SPATA13: variants seen among roughly 807,000 people sequenced by gnomAD.
The protein encoded by SPATA13 is spermatogenesis-associated protein 13.
A neutral mutation model predicts 104.0 loss-of-function variants in SPATA13; 50 were observed. That is an observed-to-expected ratio of 0.48 (90% CI 0.38 to 0.61). The LOEUF is 0.61. Ranked by LOEUF, SPATA13 falls within the 20% of genes least tolerant of loss-of-function variation. The pLI is 0.00. For missense variants in SPATA13, 1,524 were observed against 1,690.6 expected (o/e 0.90, Z 1.73); for synonymous variants, 606 against 667.5 (o/e 0.91, Z 1.42).
intron 1 of SPATA13, among the ~76,000 whole-genome samples, chr13:24,178,215 A>G: frequency 6.6e-6 from 1 of 152,200 alleles, no homozygotes; most frequent in East Asian, 1.9e-4. Context: ...CAGAAGGCGC[A>G]AACGTTCCAA....
intron 1 of SPATA13, among the ~76,000 whole-genome samples, chr13:24,192,934 C>G (rs912992323): frequency 6.6e-6 from 1 of 152,178 alleles, no homozygotes; most frequent in Non-Finnish European, 1.5e-5. Context: ...GAAAAGGATT[C>G]TTTCCTCCCC....
intron 3 of SPATA13, among the ~76,000 whole-genome samples, chr13:24,039,128 G>C (rs566437637): frequency 1.3e-5 from 2 of 152,364 alleles, no homozygotes; most frequent in African/African-American, 4.8e-5. Context: ...TCTATAATTA[G>C]TGAACCTTTC....
At chr13:24,057,022 TCTC>T (rs1566087995) in intron 3 of SPATA13, among the ~76,000 whole-genome samples, 28 of 149,770 alleles carry the variant, frequency 1.9e-4, no homozygotes, top group Admixed American at 6.6e-5. Context: ...TCTCTCTCTC[TCTC>T]TCTCTCTTTC....
intron 3 of SPATA13, among the ~76,000 whole-genome samples, chr13:24,135,396 C>T (rs1385484473): frequency 6.6e-6 from 1 of 152,118 alleles, no homozygotes; most frequent in Non-Finnish European, 1.5e-5. Context: ...CTCACTTTCA[C>T]TCTTTAAGAG....
In SPATA13 at chr13:24,205,305, G is replaced by A. The variant is rs1385812476; in HGVS notation, c.-111-17514G>A. On this transcript the variant is annotated intron_variant, in intron 1 of 12. Coordinates refer to ENST00000382108, the MANE Select transcript of SPATA13 (RefSeq NM_001166271.3). The surrounding 1 kb of genome is among the most constrained non-coding windows in gnomAD (Gnocchi z 4.1). ...ATTCCTGTATACCAACAGTGGGCAAGCAGAAAGCCAAGCCATGAAAGAATT... is the reference window on the plus strand; with the variant it reads ...ATTCCTGTATACCAACAGTGGGCAAACAGAAAGCCAAGCCATGAAAGAATT... 6.6e-6 allele frequency among the ~76,000 whole-genome samples: 1 copy of A among 152,144 alleles called. No homozygotes were observed. Among genetic ancestry groups the A allele is most frequent in the Non-Finnish European group, 1.5e-5 (1 of 68,024 alleles).
At chr13:24,301,349 C>G (rs570098261) in intron 12 of SPATA13, among the ~76,000 whole-genome samples, 1 of 152,288 alleles carries the variant, frequency 6.6e-6, no homozygotes, top group Admixed American at 6.5e-5. Context: ...TTCCCCAAAC[C>G]ACACTTAACA....
chr13:24,286,331 A>T lies in SPATA13; in HGVS notation c.2419A>T (p.Lys807Ter). 1 of 1,613,498 alleles carries T rather than the reference A, an allele frequency of 6.2e-7. No individual in the cohort carries two copies. The stretch of plus-strand genomic sequence containing the variant: ...CATCCAGGTTCTGGAAGCCTCCAAC[A>T]AGGACTGGTGGTGGGGCCGCAGTGA... ...DVIQVLEASN[K>*]DWWWGRSEDK... Residue 807 changes from lysine to a stop codon, truncating the protein, a stop_gained, in exon 6 of 13, where the codon AAG becomes TAG. Coordinates refer to ENST00000382108, the MANE Select transcript of SPATA13 (RefSeq NM_001166271.3). LOFTEE classifies it high-confidence loss of function. The surrounding 1 kb of genome is among the most constrained non-coding windows in gnomAD (Gnocchi z 4.9).
chr13:24,090,270 G>C (rs1179313832), intron 3 of SPATA13, among the ~76,000 whole-genome samples: 1 of 152,116 alleles, frequency 6.6e-6, no homozygotes, highest in East Asian at 1.9e-4. Context: ...GCTGTGGCCA[G>C]GGTCTTACTC....
chr13:24,248,538 C>A (rs916059636), intron 2 of SPATA13, among the ~76,000 whole-genome samples: 4 of 152,172 alleles, frequency 2.6e-5, no homozygotes, highest in African/African-American at 9.7e-5. Flanking sequence ...TTGTCCAGTC[C>A]AAAATCTGAG....
intron 2 of SPATA13, among the ~76,000 whole-genome samples, chr13:24,001,338 TG>T (rs1489081819): frequency 2.0e-5 from 3 of 151,668 alleles, no homozygotes; most frequent in Admixed American, 6.6e-5. Flanking sequence ...ATGTGTCTCG[TG>T]GGAAGGCTGC....
chr13:24,245,940 T>G (rs2138653320), intron 2 of SPATA13, among the ~76,000 whole-genome samples: 1 of 152,216 alleles, frequency 6.6e-6, no homozygotes, highest in East Asian at 1.9e-4. Context: ...CATGATGTAT[T>G]AAAAGAATGA....
chr13:24,077,502 GA>G (rs1879373725), intron 3 of SPATA13, among the ~76,000 whole-genome samples: 1 of 151,940 alleles, frequency 6.6e-6, no homozygotes, highest in South Asian at 2.1e-4. Context: ...GGTGAGGGAA[GA>G]AAAATTTCCT....
intron 3 of SPATA13, among the ~76,000 whole-genome samples, chr13:24,136,604 A>G (rs1881579189): frequency 6.6e-6 from 1 of 152,208 alleles, no homozygotes; most frequent in Admixed American, 6.5e-5. Context: ...AATTCTGTAT[A>G]TAGACTTTCC....
chr13:23,991,203 A>G (rs995934323), intron 2 of SPATA13, among the ~76,000 whole-genome samples: 6 of 152,242 alleles, frequency 3.9e-5, no homozygotes, highest in African/African-American at 1.2e-4. Flanking sequence ...GCATCACTCA[A>G]ATTGCCTTCA....
At chr13:24,125,624 A>G (rs1426553676) in intron 3 of SPATA13, among the ~76,000 whole-genome samples, 1 of 152,192 alleles carries the variant, frequency 6.6e-6, no homozygotes, top group East Asian at 1.9e-4. Flanking sequence ...TTACTAGCCA[A>G]GGAATTCTTC....
chr13:24,297,291 G>A (rs1474017226), intron 10 of SPATA13, 72 bp from the exon 11 acceptor site: 2 of 1,517,532 alleles, frequency 1.3e-6, no homozygotes, highest in African/African-American at 2.8e-5. Context: ...CTCCCACCTT[G>A]GCTTCTTAAG....
intron 3 of SPATA13, among the ~76,000 whole-genome samples, chr13:24,151,973 T>C (rs1308461706): frequency 6.6e-6 from 1 of 152,056 alleles, no homozygotes; most frequent in African/African-American, 2.4e-5. Flanking sequence ...GAAGATGTGG[T>C]TCAGTTCTCA....
chr13:24,198,776 GTT>G (rs1870234883), intron 1 of SPATA13, among the ~76,000 whole-genome samples: 1 of 152,290 alleles, frequency 6.6e-6, no homozygotes, highest in East Asian at 1.9e-4. Context: ...AACTAGTAAA[GTT>G]TCTGCAGGTC....
chr13:24,122,066 C>G (rs1429428853), intron 3 of SPATA13: 1 of 1,580,484 alleles, frequency 6.3e-7, no homozygotes, highest in East Asian at 2.2e-5. Context: ...AGAGATAACT[C>G]AATTCATCCC....
Sources: allele counts gnomAD v4.1 joint callset (sites outside exome capture counted in the v4.1 genomes callset), GRCh38; gene constraint gnomAD v4.1.1; non-coding constraint Gnocchi (gnomAD v3.1); transcripts MANE v1.5; gene names NCBI Gene and HGNC (gene_info 2026-07-23, HGNC 2026-07-21).